Variants in ATXN1 observed in about 807,000 individuals in gnomAD.
ATXN1 encodes ataxin-1.
In ATXN1, 8 loss-of-function variants were observed where a neutral mutation model predicts 56.4. That is an observed-to-expected ratio of 0.14 (90% CI 0.08 to 0.26). ATXN1 has a LOEUF of 0.26. Among genes scored for constraint, ATXN1 ranks in the 10% least tolerant of loss-of-function variants. ATXN1 has a pLI of 1.00. For synonymous variants in ATXN1, 514 were observed against 494.6 expected (o/e 1.04, Z -0.52); for missense variants, 987 against 1,106.5 (o/e 0.89, Z 1.53).
rs997069802 is a variant in ATXN1 at position 16,513,494 on chromosome 6, T to G, written c.-299+9133A>C. Reference sequence around the variant, plus strand: ...CAATACATTACAATCTATAAATAGCTTAGGCTGTCTGTTTAAATATGCACC... The same window carrying G: ...CAATACATTACAATCTATAAATAGCGTAGGCTGTCTGTTTAAATATGCACC... On this transcript the variant is annotated intron_variant, in intron 5 of 7. Coordinates refer to ENST00000436367, the MANE Select transcript of ATXN1 (RefSeq NM_001128164.2). Among the ~76,000 whole-genome samples the G allele has an allele frequency of 5.9e-5, 9 of 152,174 alleles. No homozygotes were observed. The South Asian group carries it at 1.9e-3, about 31-fold the overall frequency.
chr6:16,551,728 G>A (rs187403544), intron 4 of ATXN1, among the ~76,000 whole-genome samples: 195 of 152,180 alleles, frequency 1.3e-3, no homozygotes, highest in Middle Eastern at 3.4e-3. Flanking sequence ...ATGCAGATCT[G>A]TTTTTCTGAA....
chr6:16,710,980 C>T (rs1239979935), intron 2 of ATXN1, among the ~76,000 whole-genome samples: 11 of 146,786 alleles, frequency 7.5e-5, no homozygotes, highest in South Asian at 2.2e-4. Flanking sequence ...ACTCCTGGGC[C>T]CAAGCGATCC....
chr6:16,560,259 G>A (rs1308649693), intron 4 of ATXN1, among the ~76,000 whole-genome samples: 4 of 151,750 alleles, frequency 2.6e-5, no homozygotes, highest in Non-Finnish European at 5.9e-5. Flanking sequence ...GTGAAACCCC[G>A]TCTCTACTAA....
chr6:16,703,430 T>C (rs1759333146), intron 2 of ATXN1, among the ~76,000 whole-genome samples: 1 of 152,182 alleles, frequency 6.6e-6, no homozygotes, highest in Admixed American at 6.5e-5. Flanking sequence ...TGTATACATA[T>C]GTAACAAACC....
chr6:16,633,017 G>C (rs1167909702), intron 3 of ATXN1, among the ~76,000 whole-genome samples: 5 of 150,974 alleles, frequency 3.3e-5, no homozygotes, highest in Non-Finnish European at 7.4e-5. Flanking sequence ...AAAAAGAAAA[G>C]AAAGAAATGA....
chr6:16,599,951 C>T (rs1291685009), intron 3 of ATXN1, among the ~76,000 whole-genome samples: 1 of 152,142 alleles, frequency 6.6e-6, no homozygotes, highest in Non-Finnish European at 1.5e-5. Flanking sequence ...GAGTGTTTCA[C>T]TTTCAGGAAA....
chr6:16,568,151 T>C (rs1209632316), intron 4 of ATXN1, among the ~76,000 whole-genome samples: 3 of 152,244 alleles, frequency 2.0e-5, no homozygotes. Context: ...ATAGGCGGAC[T>C]GTGCAAAAGA....
chr6:16,752,768 T>C (rs188444633), intron 2 of ATXN1, among the ~76,000 whole-genome samples: 1 of 152,308 alleles, frequency 6.6e-6, no homozygotes, highest in Admixed American at 6.5e-5. Flanking sequence ...ATCAGGAAGT[T>C]GTAAAATCCA....
chr6:16,326,972 C>T lies in ATXN1; in HGVS notation c.1339G>A (p.Gly447Arg), dbSNP rs1285082190. 1.2e-6 allele frequency: 2 copies of T among 1,614,138 alleles called. No homozygotes were observed. The highest frequency in any genetic ancestry group is 1.7e-6 in the Non-Finnish European group (2 of 1,180,018). Reference protein sequence around the residue: ...THSASEPLPVGLPATAFYAGT... With the variant: ...THSASEPLPVRLPATAFYAGT... ...GCGTAGAAGGCCGTGGCTGGCAGTC[C>T]CACCGGGAGTGGCTCTGAAGCACTG... Residue 447 changes from glycine to arginine, a missense_variant, in exon 7 of 8, where the codon GGA becomes AGA. By Grantham distance (125) the Gly-to-Arg change is moderately radical. This residue lies in a region of ATXN1 where 723 missense variants were observed against 791.7 expected (regional missense o/e 0.91). Coordinates refer to ENST00000436367, the MANE Select transcript of ATXN1 (RefSeq NM_001128164.2). This position sits in a 1 kb window ranked among gnomAD's most constrained non-coding sequence, Gnocchi z 6.6.
chr6:16,615,094 T>C (rs1039765861), intron 3 of ATXN1: 18 of 148,872 alleles, frequency 1.2e-4, no homozygotes, highest in African/African-American at 4.5e-4. Context: ...AACCAAAAAA[T>C]GACATAATTC....
At chr6:16,374,213 A>G (rs1032651533) in intron 6 of ATXN1, among the ~76,000 whole-genome samples, 3 of 151,988 alleles carry the variant, frequency 2.0e-5, no homozygotes, top group African/African-American at 7.2e-5. Context: ...TAAAGCCCAC[A>G]CATAAAAAAA....
intron 4 of ATXN1, among the ~76,000 whole-genome samples, chr6:16,571,604 A>ACCTCAG (rs1161892456): frequency 6.6e-6 from 1 of 151,224 alleles, no homozygotes; most frequent in Non-Finnish European, 1.5e-5. Context: ...CAATCCTCCC[A>ACCTCAG]CCTCAGCCTC....
chr6:16,583,343 C>G (rs1412120435), intron 4 of ATXN1, among the ~76,000 whole-genome samples: 1 of 152,174 alleles, frequency 6.6e-6, no homozygotes, highest in Admixed American at 6.5e-5. Context: ...CCAAATGATT[C>G]TTTGACCACT....
chr6:16,527,222 C>T (rs926547433), intron 4 of ATXN1, among the ~76,000 whole-genome samples: 3 of 152,062 alleles, frequency 2.0e-5, no homozygotes, highest in African/African-American at 7.2e-5. Context: ...CCTCCCCCCG[C>T]GACTAGTGAC....
chr6:16,468,922 G>A (rs938651730), intron 6 of ATXN1, among the ~76,000 whole-genome samples: 1 of 151,978 alleles, frequency 6.6e-6, no homozygotes, highest in African/African-American at 2.4e-5. Flanking sequence ...GTAGGACTGT[G>A]ATAGAAAACT....
intron 4 of ATXN1, among the ~76,000 whole-genome samples, chr6:16,554,178 T>C (rs1015455453): frequency 2.0e-4 from 31 of 152,348 alleles, no homozygotes; most frequent in Middle Eastern, 3.4e-3. Context: ...GGGGCTAAAA[T>C]GATCAACTCC....
chr6:16,681,902 C>G (rs3793106), intron 2 of ATXN1, among the ~76,000 whole-genome samples: 49,466 of 151,960 alleles, frequency 0.33, 8,157 homozygotes, highest in Non-Finnish European at 0.35. Flanking sequence ...AGATACAGAA[C>G]TTGAGGGGGA....
intron 6 of ATXN1, among the ~76,000 whole-genome samples, chr6:16,365,131 A>G (rs1761892372): frequency 6.6e-6 from 1 of 152,194 alleles, no homozygotes; most frequent in Non-Finnish European, 1.5e-5. Flanking sequence ...ACATATGTAT[A>G]CATGTGCCAT....
intron 6 of ATXN1, among the ~76,000 whole-genome samples, chr6:16,461,167 T>C (rs1220695613): frequency 2.0e-5 from 3 of 152,110 alleles, no homozygotes; most frequent in Non-Finnish European, 4.4e-5. Context: ...GAAATACCTA[T>C]GGAAGGACCC....
Sources: gnomAD v4.1 joint callset for allele counts (sites outside exome capture counted in the v4.1 genomes callset) on GRCh38, gnomAD v4.1.1 for gene constraint, gnomAD v4.1.1 regional missense constraint, Gnocchi (gnomAD v3.1) non-coding constraint, MANE v1.5 for transcripts, NCBI Gene and HGNC (gene_info 2026-07-23, HGNC 2026-07-21) for gene names.